PCGF5: variants seen among roughly 807,000 people sequenced by gnomAD.
PCGF5 encodes polycomb group ring finger 5.
PCGF5 carries 9 observed loss-of-function variants against 44.3 expected under a neutral mutation model. The observed-to-expected ratio is 0.20, with a 90% CI of 0.12 to 0.35. PCGF5 has a LOEUF of 0.35. Ranked by LOEUF, PCGF5 falls within the 10% of genes least tolerant of loss-of-function variation. The pLI is 1.00. For missense variants in PCGF5, 146 were observed against 305.3 expected (o/e 0.48, Z 3.89); for synonymous variants, 95 against 102.5 (o/e 0.93, Z 0.44).
intron 6 of PCGF5, among the ~76,000 whole-genome samples, chr10:91,254,888 GACTA>G (rs1449694609): frequency 2.0e-5 from 3 of 152,156 alleles, no homozygotes; most frequent in East Asian, 3.9e-4. Context: ...TCAAGAAGAT[GACTA>G]ACTATCAGTA....
At chr10:91,248,435 T>C in intron 3 of PCGF5, 70 bp from the exon 4 acceptor site, 1 of 1,333,710 alleles carries the variant, frequency 7.5e-7, no homozygotes, top group South Asian at 1.2e-5. Context: ...AGATTATACA[T>C]CTCAGACTAT....
intron 7 of PCGF5, among the ~76,000 whole-genome samples, chr10:91,261,807 A>G (rs1424262151): frequency 6.6e-6 from 1 of 152,212 alleles, no homozygotes. Flanking sequence ...AGAATGTAAA[A>G]CATTGTCTTT....
At chr10:91,217,913 A>G (rs1343245103), upstream of PCGF5, among the ~76,000 whole-genome samples, 1 of 152,054 alleles carries the variant, frequency 6.6e-6, no homozygotes, top group Non-Finnish European at 1.5e-5. Context: ...CAGCCTCCCT[A>G]GTAGCTGGGA....
intron 1 of PCGF5, among the ~76,000 whole-genome samples, chr10:91,173,542 A>G (rs1338803259): frequency 7.4e-6 from 1 of 134,444 alleles, no homozygotes; most frequent in African/African-American, 2.8e-5. Context: ...TTTTCCTTCC[A>G]TGGGAATCTT....
At chr10:91,236,105 A>AG (rs948317841) in intron 2 of PCGF5, among the ~76,000 whole-genome samples, 4 of 152,084 alleles carry the variant, frequency 2.6e-5, no homozygotes, top group African/African-American at 9.7e-5. Flanking sequence ...ATAAATTAAA[A>AG]AAATATGATA....
chr10:91,271,721 A>G (rs1487693151), intron 9 of PCGF5, 24 bp downstream of exon 9: 4 of 1,592,524 alleles, frequency 2.5e-6, no homozygotes, highest in Non-Finnish European at 2.6e-6. Context: ...ACGACTGTAC[A>G]TATGACCATC....
At chr10:91,185,254 G>T (rs1843899408) in intron 1 of PCGF5, among the ~76,000 whole-genome samples, 1 of 152,244 alleles carries the variant, frequency 6.6e-6, no homozygotes, top group South Asian at 2.1e-4. Flanking sequence ...CAGTGAGGAG[G>T]AATGGATCCG....
chr10:91,252,330 G>A (rs1325015665), intron 6 of PCGF5, among the ~76,000 whole-genome samples: 2 of 151,762 alleles, frequency 1.3e-5, no homozygotes, highest in African/African-American at 2.4e-5. Context: ...TTACTAATAC[G>A]TTTAATGGCA....
chr10:91,239,897 G>C (rs113557607), intron 2 of PCGF5, among the ~76,000 whole-genome samples: 1,692 of 152,142 alleles, frequency 0.011, 22 homozygotes, highest in Non-Finnish European at 0.017. Context: ...TACCTCTCAT[G>C]CCTTTGTCCC....
chr10:91,248,416 A>G (rs1845526890), intron 3 of PCGF5, 89 bp from the exon 4 acceptor site: 1 of 1,179,944 alleles, frequency 8.5e-7, no homozygotes, highest in African/African-American at 1.5e-5. Context: ...GTATTTTGTA[A>G]CATGTATAAG....
chr10:91,197,014 C>T (rs1398741495), intron 1 of PCGF5, among the ~76,000 whole-genome samples: 1 of 151,896 alleles, frequency 6.6e-6, no homozygotes, highest in South Asian at 2.1e-4. Flanking sequence ...TAAACAACAA[C>T]AACAAAAAAA....
At chr10:91,209,241 A>G (rs971322474) in intron 1 of PCGF5, among the ~76,000 whole-genome samples, 2 of 152,132 alleles carry the variant, frequency 1.3e-5, no homozygotes, top group African/African-American at 2.4e-5. Context: ...AATTATGTTA[A>G]TTGATGGAAT....
chr10:91,215,620 CTTCT>C (rs1304769804), upstream of PCGF5, among the ~76,000 whole-genome samples: 1 of 152,220 alleles, frequency 6.6e-6, no homozygotes, highest in East Asian at 1.9e-4. Flanking sequence ...TTCAGGGCCT[CTTCT>C]CAGAGCTGCT....
intron 1 of PCGF5, among the ~76,000 whole-genome samples, chr10:91,207,224 C>T (rs774576871): frequency 2.6e-5 from 4 of 152,160 alleles, no homozygotes. Context: ...GAGGGATGTG[C>T]AGCTGGTGGT....
At chr10:91,220,417 G>C (rs1422129690), upstream of PCGF5, 1 of 152,350 alleles carries the variant, frequency 6.6e-6, no homozygotes, top group African/African-American at 2.4e-5. Flanking sequence ...CGAAGGGGTG[G>C]ACGGTGAGGA....
Position 91,175,854 on chromosome 10 carries a change from C to T in PCGF5, c.-184+12773C>T, listed in dbSNP as rs531569487. 2.1e-3 allele frequency among the ~76,000 whole-genome samples: 317 copies of T among 152,224 alleles called. 1 individual carries two copies. Among genetic ancestry groups the T allele is most frequent in the African/African-American group, 7.1e-3 (293 of 41,530 alleles). On this transcript the variant is annotated intron_variant, in intron 1 of 9. Coordinates refer to the PCGF5 transcript ENST00000614189. ...AATACAGCACACTGATGGGTCTTGA[C>T]TCTTTATCCAGTTTGCCAGTCTGTG...
At chr10:91,226,003 T>C (rs1292948615) in intron 2 of PCGF5, among the ~76,000 whole-genome samples, 2 of 152,014 alleles carry the variant, frequency 1.3e-5, no homozygotes, top group Non-Finnish European at 2.9e-5. Flanking sequence ...TTAAGTGACA[T>C]TGTAGTACCA....
chr10:91,254,203 C>CGTGTGTGTGT (rs148669111), intron 6 of PCGF5, among the ~76,000 whole-genome samples: 2,294 of 148,020 alleles, frequency 0.015, 49 homozygotes, highest in African/African-American at 0.046. Context: ...CCCTCCACCT[C>CGTGTGTGTGT]GTGTGTGTGT....
Position 91,222,759 on chromosome 10 carries a change from C to T in PCGF5, c.-113C>T. ...CATGATAAATCTGGATGCTAGTTCT[C>T]ATGCCTCAGGACATCCTACTGGGAA... is the stretch of plus-strand genomic sequence containing the variant. On this transcript the variant is annotated 5_prime_UTR_variant, in exon 2 of 10. Transcript: ENST00000336126. The T allele has an allele frequency of 1.7e-6, 1 of 581,478 alleles. No individual in the cohort carries two copies. Among genetic ancestry groups the T allele is most frequent in the Non-Finnish European group, 3.1e-6 (1 of 323,136 alleles). 36.0% of individuals were successfully genotyped at this position (581,478 alleles called of 1,614,324 possible).
Sources: allele counts gnomAD v4.1 joint callset (sites outside exome capture counted in the v4.1 genomes callset), GRCh38; gene constraint gnomAD v4.1.1; transcripts MANE v1.5; gene names NCBI Gene and HGNC (gene_info 2026-07-23, HGNC 2026-07-21).